The following CAMK2D variants were observed in gnomAD, a reference collection of about 807,000 sequenced individuals.
CAMK2D encodes the protein calcium/calmodulin dependent protein kinase II delta.
A neutral mutation model predicts 84.0 loss-of-function variants in CAMK2D; 37 were observed. The observed-to-expected ratio is 0.44, with a 90% confidence interval of 0.34 to 0.58. CAMK2D has a LOEUF of 0.58. Among genes scored for constraint, CAMK2D ranks in the 20% least tolerant of loss-of-function variants. CAMK2D has a pLI of 0.02. For missense variants in CAMK2D, 448 were observed against 652.5 expected, an observed-to-expected ratio of 0.69 and a Z score of 3.41; for synonymous variants, 202 against 212.5, an observed-to-expected ratio of 0.95 and a Z score of 0.43.
intron 4 of CAMK2D, among the ~76,000 whole-genome samples, chr4:113,557,210 C>T (rs1165310682): frequency 6.6e-6 from 1 of 152,028 alleles, no homozygotes; most frequent in Non-Finnish European, 1.5e-5. Flanking sequence ...CTATCTTGCC[C>T]CCCAGCCCCC....
At chr4:113,469,384 T>C (rs1346595035) in intron 16 of CAMK2D, among the ~76,000 whole-genome samples, 1 of 152,216 alleles carries the variant, frequency 6.6e-6, no homozygotes, top group African/African-American at 2.4e-5. Flanking sequence ...TCCTTTTACT[T>C]AACTCTCTTG....
chr4:113,755,631 G>A (rs995395693), intron 2 of CAMK2D, among the ~76,000 whole-genome samples: 5 of 151,610 alleles, frequency 3.3e-5, no homozygotes, highest in Non-Finnish European at 7.4e-5. Flanking sequence ...ATAAATCACA[G>A]GTACTATTTC....
intron 4 of CAMK2D, among the ~76,000 whole-genome samples, chr4:113,583,707 T>TTATATATAAG (rs1425908032): frequency 6.6e-6 from 1 of 152,226 alleles, no homozygotes; most frequent in East Asian, 1.9e-4. Flanking sequence ...TTATATACAG[T>TTATATATAAG]TACCCTTATA....
intron 4 of CAMK2D, among the ~76,000 whole-genome samples, chr4:113,560,231 ATTT>A (rs60828884): frequency 0.015 from 2,098 of 144,118 alleles, 50 homozygotes; most frequent in East Asian, 0.11. Flanking sequence ...TTCTCACAGC[ATTT>A]TTTTTTTTTT....
chr4:113,592,505 G>A (rs1327962117), intron 4 of CAMK2D, among the ~76,000 whole-genome samples: 2 of 152,142 alleles, frequency 1.3e-5, no homozygotes, highest in Non-Finnish European at 1.5e-5. Context: ...AAGCATCCAT[G>A]ATTTTACATT....
chr4:113,490,662 T>C (rs1013305589), intron 16 of CAMK2D, among the ~76,000 whole-genome samples: 14 of 151,920 alleles, frequency 9.2e-5, no homozygotes, highest in Admixed American at 3.3e-4. Flanking sequence ...AAAGTAGTTT[T>C]TTCCAATTCT....
intron 2 of CAMK2D, among the ~76,000 whole-genome samples, chr4:113,740,538 A>G (rs902294474): frequency 6.6e-6 from 1 of 152,072 alleles, no homozygotes; most frequent in African/African-American, 2.4e-5. Context: ...AATAAATCTC[A>G]CATTTAAGTC....
At chr4:113,682,938 C>G (rs1435770907) in intron 2 of CAMK2D, among the ~76,000 whole-genome samples, 1 of 151,940 alleles carries the variant, frequency 6.6e-6, no homozygotes, top group Non-Finnish European at 1.5e-5. Context: ...AAATAAAAGA[C>G]TCATAGTTTC....
chr4:113,746,303 TTCTA>T (rs1160865565), intron 2 of CAMK2D, among the ~76,000 whole-genome samples: 2 of 152,206 alleles, frequency 1.3e-5, no homozygotes, highest in Non-Finnish European at 2.9e-5. Context: ...CCTTAAAACC[TTCTA>T]TCTGTTTTAA....
intron 3 of CAMK2D, among the ~76,000 whole-genome samples, chr4:113,648,205 C>A (rs1194787902): frequency 2.0e-5 from 3 of 151,934 alleles, no homozygotes; most frequent in Non-Finnish European, 4.4e-5. Flanking sequence ...ATATTTTGTT[C>A]CCAAATATAA....
intron 5 of CAMK2D, among the ~76,000 whole-genome samples, chr4:113,549,709 A>T (rs2098609640): frequency 6.6e-6 from 1 of 152,240 alleles, no homozygotes; most frequent in Non-Finnish European, 1.5e-5. Flanking sequence ...TGAAAGATGA[A>T]GCAAACATTT....
chr4:113,472,643 A>G (rs528427047), intron 16 of CAMK2D, among the ~76,000 whole-genome samples: 57 of 152,350 alleles, frequency 3.7e-4, no homozygotes, highest in Admixed American at 1.5e-3. Flanking sequence ...GCTGACTACA[A>G]TGAAACTTGG....
intron 4 of CAMK2D, among the ~76,000 whole-genome samples, chr4:113,600,341 A>G (rs1205891016): frequency 6.6e-6 from 1 of 152,220 alleles, no homozygotes; most frequent in African/African-American, 2.4e-5. Flanking sequence ...ATGTACTATT[A>G]TAACTAATGT....
chr4:113,746,022 G>A (rs977474903), intron 2 of CAMK2D, among the ~76,000 whole-genome samples: 2 of 152,188 alleles, frequency 1.3e-5, no homozygotes, highest in African/African-American at 4.8e-5. Context: ...GGAAATGTCT[G>A]AAGGTCTTTG....
At chr4:113,479,192 T>C (rs76071863) in intron 16 of CAMK2D, among the ~76,000 whole-genome samples, 1 of 152,248 alleles carries the variant, frequency 6.6e-6, no homozygotes, top group Non-Finnish European at 1.5e-5. Flanking sequence ...GTTATCGTTC[T>C]TGAGATATTT....
At chr4:113,614,036 C>T (rs1692237051) in intron 3 of CAMK2D, among the ~76,000 whole-genome samples, 1 of 151,998 alleles carries the variant, frequency 6.6e-6, no homozygotes, top group African/African-American at 2.4e-5. Flanking sequence ...GTTAGAAACA[C>T]TTCTGTCAAA....
chr4:113,517,765 C>T, intron 8 of CAMK2D, 108 bp from the exon 9 acceptor site: 1 of 600,310 alleles, frequency 1.7e-6, no homozygotes, highest in Non-Finnish European at 3.1e-6. Context: ...ACAGAGAAAA[C>T]TGGATTGTAG....
chr4:113,712,811 T>G (rs1176650805), intron 2 of CAMK2D, among the ~76,000 whole-genome samples: 1 of 152,072 alleles, frequency 6.6e-6, no homozygotes, highest in African/African-American at 2.4e-5. Flanking sequence ...TATATATACA[T>G]AAACCCTCAA....
Position 113,464,967 on chromosome 4 carries a change from A to G in CAMK2D, c.1211+562T>C, listed in dbSNP as rs112064460. Among the ~76,000 whole-genome samples, 37 of 152,310 alleles carry G rather than the reference A, an allele frequency of 2.4e-4. 1 individual carries two copies. Among genetic ancestry groups the G allele is most frequent in the African/African-American group, 8.4e-4 (35 of 41,574 alleles). On this transcript the variant is annotated intron_variant, in intron 17 of 20. Coordinates refer to ENST00000511664, the MANE Select transcript of CAMK2D (RefSeq NM_001321571.2). Reference sequence around the variant, plus strand: ...ATGTGTGATGTGGGAGTGGTTATACATCTGTATATTTACAAAGAAATCTCC... The same window carrying G: ...ATGTGTGATGTGGGAGTGGTTATACGTCTGTATATTTACAAAGAAATCTCC...
Sources: gnomAD v4.1 joint callset for allele counts (sites outside exome capture counted in the v4.1 genomes callset) on GRCh38, gnomAD v4.1.1 for gene constraint, MANE v1.5 for transcripts, NCBI Gene and HGNC (gene_info 2026-07-23, HGNC 2026-07-21) for gene names.